EPHA5: variants seen among roughly 807,000 people sequenced by gnomAD.
EPHA5 encodes ephrin type-A receptor 5.
In EPHA5, 60 loss-of-function variants were observed where a neutral mutation model predicts 105.0. The observed-to-expected ratio is 0.57, with a 90% CI of 0.46 to 0.71. The LOEUF (loss-of-function observed/expected upper bound fraction) is 0.71, where lower values mean the gene tolerates loss of function less well. Among genes scored for constraint, EPHA5 ranks in the 30% least tolerant of loss-of-function variants. The pLI is 0.00. For missense variants in EPHA5, 1,218 were observed against 1,274.7 expected (o/e 0.96, Z 0.68); for synonymous variants, 513 against 449.1 (o/e 1.14, Z -1.80).
At chr4:65,332,393 T>C (rs1031842310) in intron 15 of EPHA5, among the ~76,000 whole-genome samples, 1 of 151,676 alleles carries the variant, frequency 6.6e-6, no homozygotes, top group Non-Finnish European at 1.5e-5. Context: ...AACAAAACAA[T>C]AGCTAAAAAT....
In EPHA5 at chr4:65,530,115, T is replaced by TA. The variant is rs1455393254; in HGVS notation, c.911-34573dup. ...TGGGGAAAATCTATCACAGATGTCT[T>TA]AAAAATAGGATTATTACATTTAGTT... is the stretch of plus-strand genomic sequence containing the variant. On this transcript the variant is annotated intron_variant, in intron 3 of 16. Transcript: ENST00000613740. Among the ~76,000 whole-genome samples the TA allele has an allele frequency of 2.0e-5, 3 of 152,224 alleles. No homozygotes were observed. The East Asian group carries it at 5.8e-4, about 29-fold the overall frequency.
At chr4:65,394,483 T>C (rs1055100023) in intron 8 of EPHA5, among the ~76,000 whole-genome samples, 5 of 152,222 alleles carry the variant, frequency 3.3e-5, no homozygotes, top group African/African-American at 1.2e-4. Context: ...TCTATTATTT[T>C]GTATCCTTCT....
At chr4:65,468,669 AACATATATACAT>A (rs1728991655) in intron 5 of EPHA5, among the ~76,000 whole-genome samples, 1 of 10,898 alleles carries the variant, frequency 9.2e-5, no homozygotes, top group African/African-American at 1.6e-4. Flanking sequence ...AAATATATAT[AACATATATACAT>A]ATATATATAA....
chr4:65,359,552 C>A (rs1449171241), intron 11 of EPHA5, among the ~76,000 whole-genome samples: 1 of 151,468 alleles, frequency 6.6e-6, no homozygotes, highest in Non-Finnish European at 1.5e-5. Context: ...TAAATTGCAA[C>A]TCCTTTTTTG....
chr4:65,586,049 A>G (rs934407572), intron 3 of EPHA5, among the ~76,000 whole-genome samples: 8 of 151,686 alleles, frequency 5.3e-5, no homozygotes, highest in African/African-American at 1.9e-4. Context: ...AAGGAAGAGG[A>G]AGAGAGAGAG....
intron 5 of EPHA5, among the ~76,000 whole-genome samples, chr4:65,481,673 T>C (rs533948104): frequency 6.6e-6 from 1 of 152,316 alleles, no homozygotes; most frequent in East Asian, 1.9e-4. Context: ...AGAAGCTTCT[T>C]GAATATGAGA....
intron 13 of EPHA5, among the ~76,000 whole-genome samples, chr4:65,348,897 C>A (rs1184677094): frequency 3.6e-5 from 5 of 138,438 alleles, no homozygotes; most frequent in Admixed American, 7.9e-5. Flanking sequence ...CTCACTGTAA[C>A]CCCCACCTCC....
chr4:65,332,218 C>A, intron 15 of EPHA5, 90 bp from the exon 16 acceptor site: 1 of 1,049,660 alleles, frequency 9.5e-7, no homozygotes, highest in Non-Finnish European at 1.3e-6. Flanking sequence ...TTCAATGGAT[C>A]TTTGAGTCTG....
chr4:65,586,742 C>T (rs1430187078), intron 3 of EPHA5, among the ~76,000 whole-genome samples: 2 of 151,788 alleles, frequency 1.3e-5, no homozygotes, highest in South Asian at 4.1e-4. Context: ...CATATTTAAT[C>T]TACATTAATC....
chr4:65,661,255 G>A (rs1749534785), intron 1 of EPHA5, among the ~76,000 whole-genome samples: 1 of 151,940 alleles, frequency 6.6e-6, no homozygotes, highest in Admixed American at 6.6e-5. Context: ...AACTGTTTTT[G>A]TTTGTATGCT....
chr4:65,400,992 G>A (rs1037985585), intron 8 of EPHA5, among the ~76,000 whole-genome samples: 1 of 151,706 alleles, frequency 6.6e-6, no homozygotes, highest in Non-Finnish European at 1.5e-5. Context: ...CCAGATATTA[G>A]AAAGTAATAA....
intron 5 of EPHA5, among the ~76,000 whole-genome samples, chr4:65,482,777 C>T (rs1410404902): frequency 6.6e-6 from 1 of 152,066 alleles, no homozygotes; most frequent in African/African-American, 2.4e-5. Context: ...TCTGCAATAG[C>T]ATCATATGTT....
intron 8 of EPHA5, among the ~76,000 whole-genome samples, chr4:65,399,566 T>A (rs545635333): frequency 6.6e-6 from 1 of 152,254 alleles, no homozygotes; most frequent in Admixed American, 6.5e-5. Context: ...CATAACAGAA[T>A]TATTCTTCCT....
At chr4:65,399,804 G>A (rs1001558890) in intron 8 of EPHA5, among the ~76,000 whole-genome samples, 1 of 152,078 alleles carries the variant, frequency 6.6e-6, no homozygotes, top group African/African-American at 2.4e-5. Flanking sequence ...ATAAATCAGT[G>A]ATCAGAAACA....
chr4:65,501,995 A>G (rs1732537146), intron 3 of EPHA5, among the ~76,000 whole-genome samples: 1 of 151,818 alleles, frequency 6.6e-6, no homozygotes, highest in African/African-American at 2.4e-5. Flanking sequence ...AAAATAAGCA[A>G]TAGGGGAAAA....
intron 3 of EPHA5, among the ~76,000 whole-genome samples, chr4:65,521,699 T>C (rs1734739087): frequency 6.6e-6 from 1 of 152,054 alleles, no homozygotes; most frequent in African/African-American, 2.4e-5. Flanking sequence ...ATGCCAAACC[T>C]AAACTACTCT....
At chr4:65,333,398 C>T (rs1049182372) in intron 15 of EPHA5, among the ~76,000 whole-genome samples, 2 of 151,550 alleles carry the variant, frequency 1.3e-5, no homozygotes, top group Non-Finnish European at 2.9e-5. Context: ...TCTGTGAGCA[C>T]TTTTCAAACT....
At chr4:65,606,772 G>A (rs934628287) in intron 2 of EPHA5, among the ~76,000 whole-genome samples, 3 of 151,934 alleles carry the variant, frequency 2.0e-5, no homozygotes, top group East Asian at 1.9e-4. Context: ...ATAGCATATC[G>A]GTTCAAGGAA....
At chr4:65,431,947 G>C (rs1050201832) in intron 5 of EPHA5, among the ~76,000 whole-genome samples, 1 of 152,010 alleles carries the variant, frequency 6.6e-6, no homozygotes, top group African/African-American at 2.4e-5. Context: ...AGTGGTATGA[G>C]ATATTTCTGA....
Sources: gnomAD v4.1 joint callset for allele counts (sites outside exome capture counted in the v4.1 genomes callset) on GRCh38, gnomAD v4.1.1 for gene constraint, MANE v1.5 for transcripts, NCBI Gene and HGNC (gene_info 2026-07-23, HGNC 2026-07-21) for gene names.